DLGAP2: variants seen among roughly 807,000 people sequenced by gnomAD.
DLGAP2 encodes the protein DLG associated protein 2.
A neutral mutation model predicts 100.3 loss-of-function variants in DLGAP2; 26 were observed. The ratio of observed to expected loss-of-function variants is 0.26; its 90% CI spans 0.19 to 0.36. The LOEUF (loss-of-function observed/expected upper bound fraction) is 0.36, where lower values mean the gene tolerates loss of function less well. Ranked by LOEUF, DLGAP2 falls within the 10% of genes least tolerant of loss-of-function variation. The probability of loss-of-function intolerance (pLI) is 1.00; values close to 1 mark genes in which losing one functional copy is unlikely to be tolerated. For missense variants in DLGAP2, 1,858 were observed against 1,453.2 expected, an observed-to-expected ratio of 1.28 and a Z score of -4.53; for synonymous variants, 886 against 630.1, an observed-to-expected ratio of 1.41 and a Z score of -6.08.
intron 8 of DLGAP2, among the ~76,000 whole-genome samples, chr8:1,646,840 G>C (rs1798050706): frequency 1.3e-5 from 2 of 152,188 alleles, no homozygotes; most frequent in African/African-American, 4.8e-5. Flanking sequence ...TTCTGGAAAG[G>C]AGAACCCAGG....
intron 1 of DLGAP2, among the ~76,000 whole-genome samples, chr8:743,392 A>G (rs746595804): frequency 1.3e-5 from 2 of 152,170 alleles, no homozygotes; most frequent in Non-Finnish European, 2.9e-5. Context: ...CTTGTAAGAG[A>G]TGTTCTGAGG....
chr8:878,355 G>A (rs565266397), intron 1 of DLGAP2, among the ~76,000 whole-genome samples: 1 of 152,308 alleles, frequency 6.6e-6, no homozygotes, highest in South Asian at 2.1e-4. Flanking sequence ...ACACACGGTA[G>A]GTTTTGTGGT....
chr8:1,697,089 C>T, intron 13 of DLGAP2, 58 bp from the exon 14 acceptor site: 6 of 1,457,012 alleles, frequency 4.1e-6, no homozygotes, highest in Non-Finnish European at 5.4e-6. Context: ...AGTGGCCTCC[C>T]CAGCCCTGTG....
chr8:1,331,912 T>A lies in DLGAP2; in HGVS notation c.106+73029T>A, dbSNP rs144860745. Among the ~76,000 whole-genome samples the A allele has an allele frequency of 3.9e-3, 595 of 152,242 alleles. 8 individuals are homozygous for A. Among genetic ancestry groups the A allele is most frequent in the African/African-American group, 0.013 (549 of 41,542 alleles). On this transcript the variant is annotated intron_variant, in intron 3 of 14. Transcript: ENST00000637795. The stretch of plus-strand genomic sequence containing the variant: ...GCAACACTGGGGTCAGGGAGCCATG[T>A]GTCAGCAAACAATCCCTAGGGAGCC...
At chr8:1,108,103 C>A (rs992955350) in intron 2 of DLGAP2, among the ~76,000 whole-genome samples, 5 of 152,092 alleles carry the variant, frequency 3.3e-5, no homozygotes, top group African/African-American at 1.2e-4. Context: ...GTTTTTCCAA[C>A]CATGTGAAAG....
intron 6 of DLGAP2, among the ~76,000 whole-genome samples, chr8:1,574,078 G>A (rs1180646684): frequency 6.6e-6 from 1 of 152,108 alleles, no homozygotes; most frequent in Non-Finnish European, 1.5e-5. Flanking sequence ...GTAAGCGGTG[G>A]GTAGGAGAGC....
In DLGAP2 at chr8:1,373,364, G is replaced by T. The variant is rs962830995; in HGVS notation, c.106+114481G>T. Among the ~76,000 whole-genome samples the T allele has an allele frequency of 1.2e-4, 19 of 152,114 alleles. No homozygotes were observed. In the South Asian group the frequency reaches 2.3e-3, roughly 18 times the overall value. ...CGCCGCGCCTGGACCGTGGCCGCAG[G>T]TTGGGCAGCGCCAGACGCAGAGCCC... On this transcript the variant is annotated intron_variant, in intron 3 of 14. Transcript: ENST00000637795.
At chr8:1,214,783 A>C (rs555430452) in intron 2 of DLGAP2, among the ~76,000 whole-genome samples, 86 of 152,330 alleles carry the variant, frequency 5.6e-4, no homozygotes, top group Admixed American at 1.3e-3. Flanking sequence ...TTCTATTGTT[A>C]CTATCAAGAT....
At chr8:788,356 C>G (rs899877396) in intron 1 of DLGAP2, among the ~76,000 whole-genome samples, 13 of 152,256 alleles carry the variant, frequency 8.5e-5, no homozygotes, top group Admixed American at 8.5e-4. Context: ...TGGTCGAGGC[C>G]TCGGCATCTG....
intron 8 of DLGAP2, among the ~76,000 whole-genome samples, chr8:1,636,980 C>T (rs1797781372): frequency 1.3e-5 from 2 of 152,204 alleles, no homozygotes; most frequent in Admixed American, 1.3e-4. Context: ...TTGGTAAACC[C>T]GGCCGATGGC....
At chr8:1,579,920 G>C (rs1803156923) in intron 6 of DLGAP2, among the ~76,000 whole-genome samples, 1 of 152,180 alleles carries the variant, frequency 6.6e-6, no homozygotes, top group Non-Finnish European at 1.5e-5. Flanking sequence ...GAGGTAAAGT[G>C]TGTGCTGCAG....
intron 3 of DLGAP2, among the ~76,000 whole-genome samples, chr8:1,350,870 A>C (rs1240526348): frequency 2.5e-5 from 2 of 78,680 alleles, no homozygotes; most frequent in Non-Finnish European, 5.1e-5. Flanking sequence ...GTGTGTGGAA[A>C]GGCCGCGCGG....
intron 12 of DLGAP2, among the ~76,000 whole-genome samples, chr8:1,688,925 G>T (rs1312623555): frequency 2.0e-5 from 3 of 152,176 alleles, no homozygotes; most frequent in Non-Finnish European, 4.4e-5. Context: ...TTTATTACAT[G>T]AACATTAAGA....
intron 2 of DLGAP2, among the ~76,000 whole-genome samples, chr8:1,050,364 A>G (rs1028690401): frequency 5.9e-5 from 9 of 152,208 alleles, no homozygotes; most frequent in Non-Finnish European, 1.2e-4. Context: ...TGCATGAGAT[A>G]TATATCCAAC....
At chr8:1,363,880 A>G (rs530168998) in intron 3 of DLGAP2, among the ~76,000 whole-genome samples, 1 of 151,918 alleles carries the variant, frequency 6.6e-6, no homozygotes, top group African/African-American at 2.4e-5. Context: ...GCCTCTTCTG[A>G]CCACCTGCTC....
At chr8:1,418,724 T>A (rs934050502) in intron 3 of DLGAP2, among the ~76,000 whole-genome samples, 1 of 152,172 alleles carries the variant, frequency 6.6e-6, no homozygotes, top group African/African-American at 2.4e-5. Flanking sequence ...GCACCGTTTC[T>A]CCCACTACCA....
chr8:1,409,765 C>A (rs1368318807), intron 3 of DLGAP2, among the ~76,000 whole-genome samples: 1 of 152,164 alleles, frequency 6.6e-6, no homozygotes, highest in Non-Finnish European at 1.5e-5. Context: ...GGGAGGACCT[C>A]CTCTCTTCTT....
intron 2 of DLGAP2, among the ~76,000 whole-genome samples, chr8:1,172,684 G>T (rs1797154664): frequency 6.6e-6 from 1 of 152,050 alleles, no homozygotes; most frequent in South Asian, 2.1e-4. Flanking sequence ...ATCGGCTCCT[G>T]GGGCTTCTGC....
chr8:1,027,770 G>A (rs1176004724), intron 2 of DLGAP2, among the ~76,000 whole-genome samples: 1 of 131,288 alleles, frequency 7.6e-6, no homozygotes, highest in Non-Finnish European at 1.6e-5. Context: ...CAGGTGGGGT[G>A]TCAGGCGCCC....
Sources: allele counts gnomAD v4.1 joint callset (sites outside exome capture counted in the v4.1 genomes callset), GRCh38; gene constraint gnomAD v4.1.1; transcripts MANE v1.5; gene names NCBI Gene and HGNC (gene_info 2026-07-23, HGNC 2026-07-21).